The following FMN1 variants were observed in gnomAD, a reference collection of about 807,000 sequenced individuals.
The protein encoded by FMN1 is formin 1, also known as formin-1.
A neutral mutation model predicts 132.4 loss-of-function variants in FMN1; 110 were observed. The ratio of observed to expected loss-of-function variants is 0.83; its 90% CI spans 0.71 to 0.97. The LOEUF (loss-of-function observed/expected upper bound fraction) is 0.97, where lower values mean the gene tolerates loss of function less well. Among genes scored for constraint, FMN1 ranks in the 50% least tolerant of loss-of-function variants. FMN1 has a pLI of 0.00. For missense variants in FMN1, 1,792 were observed against 1,705.3 expected (o/e 1.05, Z -0.90); for synonymous variants, 722 against 651.7 (o/e 1.11, Z -1.64).
intron 7 of FMN1, among the ~76,000 whole-genome samples, chr15:33,002,382 A>T (rs1455478523): frequency 6.6e-6 from 1 of 152,366 alleles, no homozygotes; most frequent in East Asian, 1.9e-4. Flanking sequence ...GTGACAAAAG[A>T]TGAGTCCACT....
At chr15:33,163,908 G>C (rs1055620300) in intron 3 of FMN1, among the ~76,000 whole-genome samples, 7 of 152,154 alleles carry the variant, frequency 4.6e-5, no homozygotes, top group Non-Finnish European at 1.0e-4. Flanking sequence ...GTAAGCCACT[G>C]CGCCTGGCCT....
At position 32,770,067 on chromosome 15, in the gene FMN1, T is replaced by A. The variant is rs1399044766; in HGVS notation, c.*4243A>T. On this transcript the variant is annotated 3_prime_UTR_variant, in exon 21 of 21. Transcript: ENST00000616417. ...TGTGGGAGGGGGGAAGGCTATATAT[T>A]TTTGGACTTCTTCCTTTTTGTCATA... The A allele has an allele frequency of 6.6e-6, 1 of 152,190 alleles. No individual in the cohort carries two copies. Among genetic ancestry groups the A allele is most frequent in the Non-Finnish European group, 1.5e-5 (1 of 68,026 alleles). The allele number at this position is 152,190 out of a possible 1,614,324, so 9.4% of individuals were successfully genotyped here. A position where few individuals can be genotyped will look rare whatever the true frequency, so the allele number is the denominator to read the frequency against.
In FMN1 at chr15:33,150,106, G is replaced by T. The variant is rs943752744; in HGVS notation, c.1867+2942C>A. On this transcript the variant is annotated intron_variant, in intron 4 of 20. Transcript: ENST00000616417. ...GGAAAACAACCACAGGATTACTCAA[G>T]AGCATACTAAAGATTGGGCATTTCC... 3 of 985,308 alleles carry T rather than the reference G, an allele frequency of 3.0e-6. No individual in the cohort carries two copies. In the African/African-American group the frequency reaches 5.2e-5, roughly 17 times the overall value. 61.0% of individuals were successfully genotyped at this position (985,308 alleles called of 1,614,324 possible).
At position 33,012,862 on chromosome 15, in the gene FMN1, G is replaced by A. The variant is rs74014139; in HGVS notation, c.2162-4787C>T. 6.7e-3 allele frequency: 4,006 copies of A among 601,140 alleles called. 94 individuals carry two copies. The highest frequency in any genetic ancestry group is 0.054 in the African/African-American group (2,940 of 54,716). The allele number at this position is 601,140 out of a possible 1,614,324, so 37.2% of individuals were successfully genotyped here. A position where few individuals can be genotyped will look rare whatever the true frequency, so the allele number is the denominator to read the frequency against. On this transcript the variant is annotated intron_variant, in intron 6 of 20. Coordinates refer to ENST00000616417, the MANE Select transcript of FMN1 (RefSeq NM_001277313.2). ...GGGTGGCTATAATGAATTTGGTAAT[G>A]ATGGGAGCAACACTGGAGGTGGTGG...
At chr15:32,970,770 G>T (rs185527529) in intron 7 of FMN1, 2 of 147,088 alleles carry the variant, frequency 1.4e-5, no homozygotes, top group Admixed American at 1.4e-4. Flanking sequence ...ATTATGAAGA[G>T]ATCTACCATT....
At chr15:33,113,873 T>G (rs1447579208) in intron 4 of FMN1, among the ~76,000 whole-genome samples, 1 of 152,220 alleles carries the variant, frequency 6.6e-6, no homozygotes, top group African/African-American at 2.4e-5. Context: ...AAACCCTGAC[T>G]GGAAACTGCT....
intron 17 of FMN1, among the ~76,000 whole-genome samples, chr15:32,854,591 G>A (rs1596090605): frequency 6.6e-6 from 1 of 152,200 alleles, no homozygotes; most frequent in Non-Finnish European, 1.5e-5. Context: ...CTGATGAGCT[G>A]ATTGTCACTT....
At chr15:33,000,099 G>T (rs530463791) in intron 7 of FMN1, among the ~76,000 whole-genome samples, 1 of 152,150 alleles carries the variant, frequency 6.6e-6, no homozygotes, top group Non-Finnish European at 1.5e-5. Context: ...CAAGTAGATG[G>T]ACTAGAGACC....
At chr15:33,070,721 A>T (rs1339645050) in intron 5 of FMN1, among the ~76,000 whole-genome samples, 3 of 152,188 alleles carry the variant, frequency 2.0e-5, no homozygotes. Flanking sequence ...AGAGAAGGTA[A>T]CTTGCCAAAC....
chr15:33,047,148 A>T (rs1425982339), intron 6 of FMN1, among the ~76,000 whole-genome samples: 1 of 152,190 alleles, frequency 6.6e-6, no homozygotes, highest in Non-Finnish European at 1.5e-5. Context: ...CTTTCTGGTT[A>T]ATGTCTGTGT....
intron 4 of FMN1, among the ~76,000 whole-genome samples, chr15:33,116,238 TAATGTTC>T (rs2039920418): frequency 6.7e-6 from 1 of 149,816 alleles, no homozygotes; most frequent in African/African-American, 2.4e-5. Context: ...CTAGGAAGCA[TAATGTTC>T]TACTTTCCTT....
intron 16 of FMN1, 53 bp downstream of exon 16, chr15:32,888,118 AT>A: frequency 6.7e-7 from 1 of 1,489,338 alleles, no homozygotes. Flanking sequence ...CTCTTAAAAC[AT>A]TTTTTAAAAG....
chr15:33,098,539 G>T (rs1385034339), intron 4 of FMN1, among the ~76,000 whole-genome samples: 3 of 152,270 alleles, frequency 2.0e-5, no homozygotes, highest in Middle Eastern at 3.4e-3. Flanking sequence ...CAACAGCCAG[G>T]CCTGATCACC....
chr15:33,043,069 C>G (rs901657206), intron 6 of FMN1, among the ~76,000 whole-genome samples: 1 of 152,136 alleles, frequency 6.6e-6, no homozygotes, highest in Admixed American at 6.5e-5. Flanking sequence ...TACAATGGTG[C>G]GAAAATGGTA....
rs867894346 is a variant in FMN1 at position 32,771,247 on chromosome 15, T to A, written c.*3063A>T. On this transcript the variant is annotated 3_prime_UTR_variant, in exon 21 of 21. Transcript: ENST00000616417. ...GCGCCCACCACCACGCCCGGCTAAT[T>A]TTTTGTATTTTTAGTAGAGATGGGG... 8 of 151,218 alleles carry A rather than the reference T, an allele frequency of 5.3e-5. 1 individual carries two copies. The Middle Eastern group carries it at 0.024, about 456-fold the overall frequency. 9.4% of individuals were successfully genotyped at this position (151,218 alleles called of 1,614,324 possible). A position where few individuals can be genotyped will look rare whatever the true frequency, so the allele number is the denominator to read the frequency against.
intron 7 of FMN1, among the ~76,000 whole-genome samples, chr15:32,982,883 G>A (rs376533576): frequency 4.1e-4 from 62 of 151,782 alleles, no homozygotes; most frequent in African/African-American, 1.4e-3. Flanking sequence ...CTATACTGTC[G>A]GCCCTCCTAG....
At chr15:32,788,755 G>A (rs1171981779) in intron 19 of FMN1, among the ~76,000 whole-genome samples, 1 of 152,198 alleles carries the variant, frequency 6.6e-6, no homozygotes, top group African/African-American at 2.4e-5. Context: ...GCTCTCTAAG[G>A]TTTTGATTTG....
chr15:33,032,947 G>A (rs1235091721), intron 6 of FMN1, among the ~76,000 whole-genome samples: 1 of 152,140 alleles, frequency 6.6e-6, no homozygotes, highest in African/African-American at 2.4e-5. Context: ...TTAAGTATTT[G>A]TTCAACGCTT....
At chr15:32,979,521 A>G (rs1450615943) in intron 7 of FMN1, among the ~76,000 whole-genome samples, 1 of 145,526 alleles carries the variant, frequency 6.9e-6, no homozygotes. Context: ...GTGCCATTGC[A>G]CTGCAGCCTG....
Sources: allele counts gnomAD v4.1 joint callset (sites outside exome capture counted in the v4.1 genomes callset), GRCh38; gene constraint gnomAD v4.1.1; transcripts MANE v1.5; gene names NCBI Gene and HGNC (gene_info 2026-07-23, HGNC 2026-07-21).